Variants in CRPPA observed in about 807,000 individuals in gnomAD.
The protein encoded by CRPPA is CDP-L-ribitol pyrophosphorylase A, also known as D-ribitol-5-phosphate cytidylyltransferase.
A neutral mutation model predicts 52.0 loss-of-function variants in CRPPA; 43 were observed. The observed-to-expected ratio is 0.83, with a 90% confidence interval of 0.65 to 1.07. The LOEUF (loss-of-function observed/expected upper bound fraction) is 1.07, where lower values mean the gene tolerates loss of function less well. Ranked by LOEUF, CRPPA falls within the 50% of genes least tolerant of loss-of-function variation. The pLI is 0.00. For missense variants in CRPPA, 629 were observed against 551.7 expected (o/e 1.14, Z -1.40); for synonymous variants, 250 against 203.5 (o/e 1.23, Z -1.94).
intron 3 of CRPPA, among the ~76,000 whole-genome samples, chr7:16,320,847 C>T (rs6968139): frequency 0.21 from 32,489 of 152,018 alleles, 3,653 homozygotes; most frequent in South Asian, 0.44. Flanking sequence ...GCTTTGTTCT[C>T]ATATCAGTCA....
chr7:16,389,023 A>AAT (rs1473485199), intron 2 of CRPPA, among the ~76,000 whole-genome samples: 2 of 152,206 alleles, frequency 1.3e-5, no homozygotes, highest in African/African-American at 4.8e-5. Context: ...AAAGTGATAA[A>AAT]ATTAACATAT....
At chr7:16,333,162 T>C (rs759833064) in intron 3 of CRPPA, among the ~76,000 whole-genome samples, 1 of 152,128 alleles carries the variant, frequency 6.6e-6, no homozygotes, top group South Asian at 2.1e-4. Context: ...TAAACTGTAA[T>C]TGGAGACTTC....
chr7:16,384,007 C>G (rs556794661), intron 2 of CRPPA, among the ~76,000 whole-genome samples: 45 of 152,296 alleles, frequency 3.0e-4, no homozygotes, highest in South Asian at 1.7e-3. Context: ...ACTCACTGTC[C>G]TGCGCCCACT....
intron 9 of CRPPA, among the ~76,000 whole-genome samples, chr7:16,098,234 T>A (rs187813532): frequency 2.0e-5 from 3 of 152,292 alleles, no homozygotes; most frequent in Admixed American, 2.0e-4. Context: ...AAAGGAAATC[T>A]CTTGGAGATA....
rs536114775 is a variant in CRPPA at position 16,212,154 on chromosome 7, T to G, written c.1251+3912A>C. 2.0e-5 allele frequency among the ~76,000 whole-genome samples: 3 copies of G among 152,256 alleles called. No homozygotes were observed. In the East Asian group the frequency reaches 5.8e-4, roughly 29 times the overall value. Reference sequence around the variant, plus strand: ...CGTAGGAACAAAAGAAAACGTAGAATTCAGGCTAAGGGAGAGGGTAAGAGA... The same window carrying G: ...CGTAGGAACAAAAGAAAACGTAGAAGTCAGGCTAAGGGAGAGGGTAAGAGA... On this transcript the variant is annotated intron_variant, in intron 9 of 9. Transcript: ENST00000407010.
chr7:16,162,976 T>C (rs1274834890), intron 9 of CRPPA, among the ~76,000 whole-genome samples: 1 of 143,930 alleles, frequency 6.9e-6, no homozygotes, highest in Non-Finnish European at 1.5e-5. Flanking sequence ...TCTTTCTCTT[T>C]TTTTTTTTTT....
intron 4 of CRPPA, 109 bp downstream of exon 4, chr7:16,308,414 C>T (rs956278474): frequency 4.9e-5 from 32 of 652,738 alleles, no homozygotes; most frequent in South Asian, 3.4e-4. Context: ...TCAGTAAACC[C>T]GTGAGACTCC....
intron 2 of CRPPA, among the ~76,000 whole-genome samples, chr7:16,389,342 T>C (rs931040023): frequency 6.6e-6 from 1 of 151,996 alleles, no homozygotes; most frequent in Admixed American, 6.6e-5. Context: ...CAAAAACAGA[T>C]GCAAAAATTC....
intron 9 of CRPPA, among the ~76,000 whole-genome samples, chr7:16,212,487 T>C (rs1782177312): frequency 6.6e-6 from 1 of 152,174 alleles, no homozygotes; most frequent in South Asian, 2.1e-4. Flanking sequence ...TCAAGACGTC[T>C]GACAAAAGAA....
intron 9 of CRPPA, among the ~76,000 whole-genome samples, chr7:16,194,317 C>G (rs1216712946): frequency 6.6e-6 from 1 of 152,092 alleles, no homozygotes; most frequent in Non-Finnish European, 1.5e-5. Flanking sequence ...CCATCTTTGG[C>G]TCCCTTATGA....
intron 9 of CRPPA, among the ~76,000 whole-genome samples, chr7:16,163,729 G>A (rs114237814): frequency 0.038 from 5,711 of 152,122 alleles, 340 homozygotes; most frequent in East Asian, 0.3. Context: ...AACATCCCTC[G>A]GCATTTGCTG....
intron 3 of CRPPA, among the ~76,000 whole-genome samples, chr7:16,370,991 G>A (rs1242200019): frequency 6.6e-6 from 1 of 152,186 alleles, no homozygotes; most frequent in East Asian, 1.9e-4. Flanking sequence ...GATGAAAAGA[G>A]CTGCCTGTTT....
At chr7:16,097,175 G>A (rs1322692156) in intron 9 of CRPPA, among the ~76,000 whole-genome samples, 1 of 151,860 alleles carries the variant, frequency 6.6e-6, no homozygotes, top group African/African-American at 2.4e-5. Flanking sequence ...GGCCCCTAAA[G>A]GAATCATATT....
At chr7:16,209,875 G>C (rs1782083396) in intron 9 of CRPPA, among the ~76,000 whole-genome samples, 1 of 152,112 alleles carries the variant, frequency 6.6e-6, no homozygotes. Flanking sequence ...ATGGCCACAA[G>C]GTTACTGAAG....
chr7:16,329,171 G>A (rs1252229546), intron 3 of CRPPA, among the ~76,000 whole-genome samples: 1 of 152,174 alleles, frequency 6.6e-6, no homozygotes, highest in Non-Finnish European at 1.5e-5. Context: ...CAAGAGGCAA[G>A]TCGGGCTTGT....
chr7:16,395,814 G>A (rs147500748), intron 2 of CRPPA, among the ~76,000 whole-genome samples: 1 of 152,296 alleles, frequency 6.6e-6, no homozygotes, highest in South Asian at 2.1e-4. Flanking sequence ...ACTGTCATCT[G>A]TCTTTCACCT....
At chr7:16,174,259 G>A (rs1001337425) in intron 9 of CRPPA, among the ~76,000 whole-genome samples, 1 of 152,130 alleles carries the variant, frequency 6.6e-6, no homozygotes, top group Admixed American at 6.6e-5. Context: ...TCAAGGATGG[G>A]GGGAAAATGC....
chr7:16,242,011 T>C (rs1783127897), intron 8 of CRPPA, among the ~76,000 whole-genome samples: 2 of 138,800 alleles, frequency 1.4e-5, no homozygotes, highest in Admixed American at 1.6e-4. Flanking sequence ...CAGGCTGGAA[T>C]GCAGTGGTGC....
intron 9 of CRPPA, among the ~76,000 whole-genome samples, chr7:16,194,287 C>T (rs1461590140): frequency 1.3e-5 from 2 of 152,082 alleles, no homozygotes; most frequent in East Asian, 1.9e-4. Context: ...TAGCCTTATA[C>T]GAGTAGATGA....
Sources: allele counts gnomAD v4.1 joint callset (sites outside exome capture counted in the v4.1 genomes callset), GRCh38; gene constraint gnomAD v4.1.1; transcripts MANE v1.5; gene names NCBI Gene and HGNC (gene_info 2026-07-23, HGNC 2026-07-21).